MCTP2: variants seen among roughly 807,000 people sequenced by gnomAD.
MCTP2 encodes multiple C2 and transmembrane domain-containing protein 2.
MCTP2 carries 132 observed loss-of-function variants against 111.6 expected under a neutral mutation model. That is an observed-to-expected ratio of 1.18 (90% CI 1.03 to 1.37). MCTP2 has a LOEUF of 1.37. Among genes scored for constraint, MCTP2 ranks in the 40% most tolerant of loss-of-function variants. The pLI, the probability that MCTP2 is intolerant of heterozygous loss-of-function variation, is 0.00. For missense variants in MCTP2, 1,183 were observed against 1,067.9 expected (o/e 1.11, Z -1.50); for synonymous variants, 395 against 387.7 (o/e 1.02, Z -0.22).
intron 4 of MCTP2, among the ~76,000 whole-genome samples, chr15:94,323,334 A>G (rs1034640007): frequency 1.3e-5 from 2 of 152,200 alleles, no homozygotes; most frequent in Non-Finnish European, 2.9e-5. Context: ...ACTTAAAAAA[A>G]CAAAAACCTA....
chr15:94,280,043 T>C (rs1242326153), intron 1 of MCTP2, among the ~76,000 whole-genome samples: 2 of 151,858 alleles, frequency 1.3e-5, no homozygotes, highest in Non-Finnish European at 2.9e-5. Context: ...GTTCTTGACC[T>C]GAAGCTTTTG....
At position 94,298,217 on chromosome 15, in the gene MCTP2, C is replaced by G; in HGVS notation, c.-49C>G. 1 of 1,306,158 alleles carries G rather than the reference C, an allele frequency of 7.7e-7. No homozygotes were observed. The allele number at this position is 1,306,158 out of a possible 1,614,324, so 80.9% of individuals were successfully genotyped here. On this transcript the variant is annotated 5_prime_UTR_variant, in exon 2 of 23. Transcript: ENST00000357742. ...GTTTTATAGGAGTCATTGCAGTTTT[C>G]AGTAGAGGTGTACTTCTGAGAAGTG...
intron 2 of MCTP2, among the ~76,000 whole-genome samples, chr15:94,311,537 C>A (rs1020763722): frequency 6.6e-6 from 1 of 152,062 alleles, no homozygotes; most frequent in Non-Finnish European, 1.5e-5. Flanking sequence ...GTTATGTGTC[C>A]CCCAGCGGCT....
chr15:94,290,071 T>G (rs139506872), intron 1 of MCTP2, among the ~76,000 whole-genome samples: 128 of 152,038 alleles, frequency 8.4e-4, no homozygotes, highest in African/African-American at 3.0e-3. Flanking sequence ...CAGCTAAACA[T>G]GGCTGTTGAT....
chr15:94,343,315 C>G (rs2077767364), intron 7 of MCTP2: 1 of 152,026 alleles, frequency 6.6e-6, no homozygotes. Flanking sequence ...GTGGGAATAA[C>G]TAGCACTTGG....
At chr15:94,290,284 G>A (rs1379883773) in intron 1 of MCTP2, among the ~76,000 whole-genome samples, 1 of 152,054 alleles carries the variant, frequency 6.6e-6, no homozygotes, top group Non-Finnish European at 1.5e-5. Flanking sequence ...TGTTATGGGA[G>A]CAATACAAAA....
chr15:94,312,539 G>A (rs1294577939), intron 2 of MCTP2, among the ~76,000 whole-genome samples: 1 of 152,210 alleles, frequency 6.6e-6, no homozygotes, highest in Non-Finnish European at 1.5e-5. Flanking sequence ...TGGCTATAGT[G>A]CCAGGGCCCT....
At chr15:94,232,521 T>A (rs2070253415) in intron 1 of MCTP2, among the ~76,000 whole-genome samples, 2 of 152,168 alleles carry the variant, frequency 1.3e-5, no homozygotes, top group African/African-American at 2.4e-5. Context: ...GGATTATAAT[T>A]TACATTAGCA....
chr15:94,238,531 T>C (rs2070720413), intron 1 of MCTP2, among the ~76,000 whole-genome samples: 1 of 152,220 alleles, frequency 6.6e-6, no homozygotes, highest in Admixed American at 6.5e-5. Context: ...AAAGTTCTTT[T>C]ATCCAAAAAC....
At position 94,464,261 on chromosome 15, in the gene MCTP2, ATATATATAT is replaced by A. The variant is rs1172867637; in HGVS notation, c.2360+6016_2360+6024del. ...TATAATATATATATATATATATTAT[ATATATATAT>A]ATATATATAAACGTCAGCCATTCTA... is the stretch of plus-strand genomic sequence containing the variant. On this transcript the variant is annotated intron_variant, in intron 20 of 22. Coordinates refer to ENST00000357742, the MANE Select transcript of MCTP2 (RefSeq NM_001385001.1). 3.0e-4 allele frequency among the ~76,000 whole-genome samples: 13 copies of A among 43,324 alleles called. 1 individual carries two copies. The highest frequency in any genetic ancestry group is 1.6e-3 in the East Asian group (4 of 2,524). The allele number at this position is 43,324 out of a possible 152,430, so 28.4% of individuals were successfully genotyped here.
intron 19 of MCTP2, among the ~76,000 whole-genome samples, chr15:94,452,318 GCT>G (rs2084513307): frequency 6.6e-6 from 1 of 152,168 alleles, no homozygotes; most frequent in Non-Finnish European, 1.5e-5. Context: ...AAGAGCATTT[GCT>G]ATTAGGATGA....
At chr15:94,238,752 C>T (rs1282397512) in intron 1 of MCTP2, among the ~76,000 whole-genome samples, 1 of 151,962 alleles carries the variant, frequency 6.6e-6, no homozygotes, top group Non-Finnish European at 1.5e-5. Context: ...GCCACCTAGG[C>T]CTGGCAGGAA....
rs1184220110 is a variant in MCTP2 at position 94,307,995 on chromosome 15, A to G, written c.466-6287A>G. 2.6e-5 allele frequency among the ~76,000 whole-genome samples: 4 copies of G among 152,180 alleles called. No homozygotes were observed. The East Asian group carries it at 7.7e-4, about 29-fold the overall frequency. ...TAATAATAATAAATAGAATAGCAAC[A>G]CCAATCTAATGCTACTTACTGAGGG... On this transcript the variant is annotated intron_variant, in intron 2 of 22. Transcript: ENST00000357742.
chr15:94,295,829 C>T (rs529666348), intron 1 of MCTP2, among the ~76,000 whole-genome samples: 10 of 151,746 alleles, frequency 6.6e-5, no homozygotes, highest in Non-Finnish European at 8.8e-5. Context: ...CTGGGAGGGT[C>T]GCTTGAGCCC....
At chr15:94,363,738 A>G (rs2152432228) in intron 10 of MCTP2, among the ~76,000 whole-genome samples, 1 of 152,092 alleles carries the variant, frequency 6.6e-6, no homozygotes, top group South Asian at 2.1e-4. Context: ...TATTGATTAC[A>G]TTTTTAAAAA....
chr15:94,466,737 G>GTTACCTCCAAGAGTT (rs2073353922), intron 20 of MCTP2, among the ~76,000 whole-genome samples: 1 of 152,214 alleles, frequency 6.6e-6, no homozygotes, highest in African/African-American at 2.4e-5. Context: ...TTGGAGCTTA[G>GTTACCTCCAAGAGTT]TTACCTCCAA....
chr15:94,410,383 A>C (rs957171247), intron 17 of MCTP2, among the ~76,000 whole-genome samples: 4 of 152,126 alleles, frequency 2.6e-5, no homozygotes, highest in African/African-American at 7.2e-5. Context: ...GATGCCAAGC[A>C]GAGTTCTCCC....
In MCTP2 at chr15:94,474,548, T is replaced by A. The variant is rs557216966; in HGVS notation, c.2471-2148T>A. 9.8e-5 allele frequency among the ~76,000 whole-genome samples: 15 copies of A among 152,306 alleles called. 1 individual carries two copies. In the South Asian group the frequency reaches 3.1e-3, roughly 32 times the overall value. On this transcript the variant is annotated intron_variant, in intron 21 of 22. Coordinates refer to ENST00000357742, the MANE Select transcript of MCTP2 (RefSeq NM_001385001.1). ...GGTATTCCTACGTCACAACCTTTTT[T>A]TTCTTGTCCCTTAAAGAATGACCAA... is the stretch of plus-strand genomic sequence containing the variant.
At chr15:94,238,089 T>C (rs1010797427) in intron 1 of MCTP2, among the ~76,000 whole-genome samples, 1 of 152,046 alleles carries the variant, frequency 6.6e-6, no homozygotes, top group Non-Finnish European at 1.5e-5. Context: ...CCTGACCACC[T>C]TGGGCACATG....
Sources: allele counts gnomAD v4.1 joint callset (sites outside exome capture counted in the v4.1 genomes callset), GRCh38; gene constraint gnomAD v4.1.1; transcripts MANE v1.5; gene names NCBI Gene and HGNC (gene_info 2026-07-23, HGNC 2026-07-21).